The following GPR161 variants were observed in gnomAD, a reference collection of about 807,000 sequenced individuals.
The protein encoded by GPR161 is G protein-coupled receptor 161.
A neutral mutation model predicts 39.2 loss-of-function variants in GPR161; 25 were observed. That is an observed-to-expected ratio of 0.64 (90% confidence interval 0.47 to 0.89). The LOEUF (loss-of-function observed/expected upper bound fraction) is 0.89, where lower values mean the gene tolerates loss of function less well. GPR161 is among the 40% of genes least tolerant of loss of function. The pLI is 0.00. For missense variants in GPR161, 547 were observed against 677.8 expected, an observed-to-expected ratio of 0.81 and a Z score of 2.14; for synonymous variants, 286 against 276.6, an observed-to-expected ratio of 1.03 and a Z score of -0.34.
chr1:168,125,879 G>C (rs1698552325), intron 1 of GPR161, among the ~76,000 whole-genome samples: 1 of 152,112 alleles, frequency 6.6e-6, no homozygotes, highest in Non-Finnish European at 1.5e-5. Context: ...GCCTCCCAAA[G>C]TGCTGGGATT....
intron 4 of GPR161, chr1:168,088,927 T>G (rs1347822643): frequency 6.6e-6 from 1 of 152,036 alleles, no homozygotes; most frequent in Non-Finnish European, 1.5e-5. Context: ...GCCCACGGGC[T>G]CCCACTCCAC....
chr1:168,126,540 C>T (rs1451716804), intron 1 of GPR161, among the ~76,000 whole-genome samples: 1 of 152,188 alleles, frequency 6.6e-6, no homozygotes, highest in Non-Finnish European at 1.5e-5. Context: ...TAGCCTCGAA[C>T]TCTTGGACTC....
intron 1 of GPR161, among the ~76,000 whole-genome samples, chr1:168,108,234 C>A (rs1253254568): frequency 6.6e-6 from 1 of 151,910 alleles, no homozygotes; most frequent in Non-Finnish European, 1.5e-5. Context: ...TCACTCACTC[C>A]CACAAGAATG....
chr1:168,080,136 T>C lies in GPR161; in HGVS notation c.*5395A>G, dbSNP rs933492080. 5.9e-5 allele frequency: 9 copies of C among 152,222 alleles called. No homozygotes were observed. The highest frequency in any genetic ancestry group is 8.8e-5 in the Non-Finnish European group (6 of 68,034). The allele number at this position is 152,222 out of a possible 1,614,324, so 9.4% of individuals were successfully genotyped here. ...AATCCAAAGTATTTGTTAGATACTT[T>C]CCAGTGAGTCCAGTCACTTTCCTTG... On this transcript the variant is annotated 3_prime_UTR_variant, in exon 6 of 6. Coordinates refer to ENST00000682931, the MANE Select transcript of GPR161 (RefSeq NM_001375883.1).
In GPR161 at chr1:168,083,707, C is replaced by T. The variant is rs571239469; in HGVS notation, c.*1824G>A. 1.3e-5 allele frequency: 2 copies of T among 152,432 alleles called. No individual in the cohort carries two copies. The highest frequency in any genetic ancestry group is 4.1e-4 in the South Asian group (2 of 4,824). The allele number at this position is 152,432 out of a possible 1,614,324, so 9.4% of individuals were successfully genotyped here. The stretch of plus-strand genomic sequence containing the variant: ...TCCCACTCCCATCCAGAAGCTAGGC[C>T]AGCGCCTGGCATCCAGGTGACCCAG... On this transcript the variant is annotated 3_prime_UTR_variant, in exon 6 of 6. Coordinates refer to ENST00000682931, the MANE Select transcript of GPR161 (RefSeq NM_001375883.1).
chr1:168,110,593 A>AG (rs755320889), intron 1 of GPR161, among the ~76,000 whole-genome samples: 1 of 78,814 alleles, frequency 1.3e-5, no homozygotes, highest in Non-Finnish European at 2.5e-5. Context: ...AAAAGAAAAG[A>AG]AAAGAGACAA....
At position 168,120,123 on chromosome 1, in the gene GPR161, G is replaced by A. The variant is rs151297923; in HGVS notation, c.-44-15229C>T. On this transcript the variant is annotated intron_variant, in intron 1 of 5. Coordinates refer to ENST00000682931, the MANE Select transcript of GPR161 (RefSeq NM_001375883.1). ...CTTGCACCATGCACCTGGAAAAGCC[G>A]CAGGCACTCAACACCAGCCCATGAA... 1.8e-3 allele frequency among the ~76,000 whole-genome samples: 272 copies of A among 152,322 alleles called. 1 individual carries two copies. Among genetic ancestry groups the A allele is most frequent in the African/African-American group, 5.0e-3 (207 of 41,578 alleles).
chr1:168,080,875 CT>C lies in GPR161; in HGVS notation c.*4655del, dbSNP rs1198285319. 6.6e-6 allele frequency: 1 copy of C among 150,850 alleles called. No homozygotes were observed. Among genetic ancestry groups the C allele is most frequent in the Non-Finnish European group, 1.5e-5 (1 of 68,290 alleles). The allele number at this position is 150,850 out of a possible 1,614,324, so 9.3% of individuals were successfully genotyped here. ...AGAGGATAGACTTTTTCTTTTTTTT[CT>C]TTTTTTAGGCGGGGTTTCGCTCTTG... On this transcript the variant is annotated 3_prime_UTR_variant, in exon 6 of 6. Transcript: ENST00000682931.
rs779321077 is a variant in GPR161, at chr1:168,085,488, G to A, written c.*43C>T. ...CAGGCGGTGATGGGAACTCCTCCCC[G>A]GGCCAGCCTCTCAGGCTGCAGCCCC... On this transcript the variant is annotated 3_prime_UTR_variant, in exon 6 of 6. Coordinates refer to ENST00000682931, the MANE Select transcript of GPR161 (RefSeq NM_001375883.1). 4.4e-6 allele frequency: 7 copies of A among 1,574,938 alleles called. No homozygotes were observed. The highest frequency in any genetic ancestry group is 1.7e-5 in the Admixed American group (1 of 57,562).
chr1:168,096,098 C>T (rs548194408), intron 3 of GPR161, among the ~76,000 whole-genome samples: 1 of 134,904 alleles, frequency 7.4e-6, no homozygotes, highest in South Asian at 2.4e-4. Flanking sequence ...TGTGCCACTG[C>T]ACTCCAAGCT....
At chr1:168,108,486 T>TAAAAAAAAAAAAAAAAAAAAAAAAA (rs10670498) in intron 1 of GPR161, among the ~76,000 whole-genome samples, 1 of 17,472 alleles carries the variant, frequency 5.7e-5, no homozygotes, top group Non-Finnish European at 8.8e-5. Flanking sequence ...GCCCTAGTTG[T>TAAAAAAAAAAAAAAAAAAAAAAAAA]AAAAAAAAAA....
intron 1 of GPR161, among the ~76,000 whole-genome samples, chr1:168,124,633 C>G (rs550962675): frequency 1.4e-4 from 22 of 152,246 alleles, no homozygotes; most frequent in African/African-American, 5.3e-4. Context: ...ATTATATGAT[C>G]CAAAACACAG....
intron 2 of GPR161, among the ~76,000 whole-genome samples, chr1:168,100,656 C>T (rs939904260): frequency 3.9e-5 from 6 of 152,212 alleles, no homozygotes; most frequent in Non-Finnish European, 7.3e-5. Context: ...AAAACAGAAA[C>T]AGAATCTAAG....
rs1693928120 is a variant in GPR161 at position 168,079,629 on chromosome 1, T to C, written c.*5902A>G. 6.6e-6 allele frequency: 1 copy of C among 152,198 alleles called. No homozygotes were observed. The highest frequency in any genetic ancestry group is 1.5e-5 in the Non-Finnish European group (1 of 68,038). 9.4% of individuals were successfully genotyped at this position (152,198 alleles called of 1,614,324 possible). A position where few individuals can be genotyped will look rare whatever the true frequency, so the allele number is the denominator to read the frequency against. On this transcript the variant is annotated 3_prime_UTR_variant, in exon 6 of 6. Transcript: ENST00000682931. ...TATAAATATTGATTTATAATAATCCTAAACTTTTTTTTAACCTTAAAAAAA... is the reference window on the plus strand; with the variant it reads ...TATAAATATTGATTTATAATAATCCCAAACTTTTTTTTAACCTTAAAAAAA...
intron 1 of GPR161, among the ~76,000 whole-genome samples, chr1:168,107,123 C>A (rs960391226): frequency 6.6e-6 from 1 of 151,620 alleles, no homozygotes; most frequent in Non-Finnish European, 1.5e-5. Flanking sequence ...GAGGTTGAAT[C>A]ATTAGACAAA....
chr1:168,117,241 T>C (rs1159486493), intron 1 of GPR161, among the ~76,000 whole-genome samples: 1 of 152,224 alleles, frequency 6.6e-6, no homozygotes, highest in Non-Finnish European at 1.5e-5. Context: ...TTGAGAATTT[T>C]ATCATTTCCA....
At chr1:168,118,767 T>A (rs1697847922) in intron 1 of GPR161, 1 of 151,836 alleles carries the variant, frequency 6.6e-6, no homozygotes, top group South Asian at 2.1e-4. Flanking sequence ...TTAATAAAAG[T>A]TTTTAAATAG....
At chr1:168,112,009 G>GATATTTTTATCCTTAGGGC (rs1697215157) in intron 1 of GPR161, among the ~76,000 whole-genome samples, 1 of 150,204 alleles carries the variant, frequency 6.7e-6, no homozygotes. Flanking sequence ...AATATCTAAG[G>GATATTTTTATCCTTAGGGC]AAAGGAACCT....
chr1:168,123,382 C>A (rs1698331219), intron 1 of GPR161, among the ~76,000 whole-genome samples: 1 of 152,076 alleles, frequency 6.6e-6, no homozygotes, highest in African/African-American at 2.4e-5. Flanking sequence ...GGCTTGAGCC[C>A]AGAAGGTCAG....
Sources: allele counts gnomAD v4.1 joint callset (sites outside exome capture counted in the v4.1 genomes callset), GRCh38; gene constraint gnomAD v4.1.1; transcripts MANE v1.5; gene names NCBI Gene and HGNC (gene_info 2026-07-23, HGNC 2026-07-21).